SHISA6: variants seen among roughly 807,000 people sequenced by gnomAD.
The protein encoded by SHISA6 is protein shisa-6.
In SHISA6, 22 loss-of-function variants were observed where a neutral mutation model predicts 47.9. The observed-to-expected ratio is 0.46, with a 90% CI of 0.33 to 0.66. SHISA6 has a LOEUF of 0.66. Ranked by LOEUF, SHISA6 falls within the 30% of genes least tolerant of loss-of-function variation. The pLI, the probability that SHISA6 is intolerant of heterozygous loss-of-function variation, is 0.02. For missense variants in SHISA6, 680 were observed against 764.6 expected (o/e 0.89, Z 1.30); for synonymous variants, 388 against 337.8 (o/e 1.15, Z -1.63).
At chr17:11,313,249 A>T (rs1489950682) in intron 2 of SHISA6, among the ~76,000 whole-genome samples, 3 of 130,726 alleles carry the variant, frequency 2.3e-5, no homozygotes, top group Non-Finnish European at 5.0e-5. Context: ...CTATTTTTCC[A>T]ATCTGAGTTT....
chr17:11,414,776 G>A (rs1914230045), intron 3 of SHISA6, among the ~76,000 whole-genome samples: 1 of 152,192 alleles, frequency 6.6e-6, no homozygotes, highest in Non-Finnish European at 1.5e-5. Flanking sequence ...TGAGGCTAAA[G>A]AAGGTTATTA....
At chr17:11,449,447 AAAAAAAAAGAAAAAG>A (rs1915323286) in intron 3 of SHISA6, among the ~76,000 whole-genome samples, 1 of 151,278 alleles carries the variant, frequency 6.6e-6, no homozygotes. Context: ...CATCTCTATT[AAAAAAAAAGAAAAAG>A]AAAAAAAAGA....
At chr17:11,461,786 G>A (rs1041156369) in intron 3 of SHISA6, among the ~76,000 whole-genome samples, 1 of 152,108 alleles carries the variant, frequency 6.6e-6, no homozygotes, top group Non-Finnish European at 1.5e-5. Flanking sequence ...AGAGGAGGTG[G>A]GGAGCTGTGG....
At chr17:11,300,963 C>T (rs1909905429) in intron 2 of SHISA6, among the ~76,000 whole-genome samples, 1 of 150,160 alleles carries the variant, frequency 6.7e-6, no homozygotes, top group Admixed American at 6.7e-5. Flanking sequence ...CATGTTCACA[C>T]AGAAGAGAAA....
intron 2 of SHISA6, among the ~76,000 whole-genome samples, chr17:11,306,870 G>C (rs1353738003): frequency 1.3e-5 from 2 of 152,114 alleles, no homozygotes; most frequent in Non-Finnish European, 2.9e-5. Context: ...TTATTTCCAT[G>C]GTGACTTGTC....
chr17:11,367,000 G>T (rs559448726), intron 2 of SHISA6, among the ~76,000 whole-genome samples: 23 of 152,280 alleles, frequency 1.5e-4, no homozygotes, highest in African/African-American at 5.5e-4. Flanking sequence ...GATTTATGGT[G>T]ATAAGAAGAA....
rs116902878 is a variant in SHISA6, at chr17:11,292,298, T to C, written c.799+28772T>C. Among the ~76,000 whole-genome samples the C allele has an allele frequency of 5.8e-4, 89 of 152,144 alleles. 2 individuals are homozygous for C. The East Asian group carries it at 0.014, about 24-fold the overall frequency. On this transcript the variant is annotated intron_variant, in intron 2 of 5. Transcript: ENST00000441885. ...CCCTCCCTCCCCTTTCCCCCTACTC[T>C]GCAACAGGCCCTGGTGTGTGATGTT...
At chr17:11,434,058 T>C (rs1005138730) in intron 3 of SHISA6, among the ~76,000 whole-genome samples, 3 of 151,386 alleles carry the variant, frequency 2.0e-5, no homozygotes, top group South Asian at 2.1e-4. Flanking sequence ...TTTTTCTTTT[T>C]TCTCTCTTTT....
At chr17:11,416,658 T>A (rs1413244001) in intron 3 of SHISA6, among the ~76,000 whole-genome samples, 1 of 152,220 alleles carries the variant, frequency 6.6e-6, no homozygotes, top group Non-Finnish European at 1.5e-5. Flanking sequence ...ATGCGTTGGC[T>A]TTTAAACACC....
intron 3 of SHISA6, among the ~76,000 whole-genome samples, chr17:11,437,835 C>T (rs1914981839): frequency 6.6e-6 from 1 of 152,158 alleles, no homozygotes; most frequent in South Asian, 2.1e-4. Flanking sequence ...GAGCAACCAA[C>T]ACAGCCTAGG....
Position 11,357,433 on chromosome 17 carries a change from G to A in SHISA6, c.800-21981G>A, listed in dbSNP as rs542876151. 3.3e-5 allele frequency among the ~76,000 whole-genome samples: 5 copies of A among 152,230 alleles called. No homozygotes were observed. The South Asian group carries it at 1.0e-3, about 32-fold the overall frequency. ...CATTAAGGAAACTTTGGAAAACACA[G>A]AAGAGTATAAAATGACTCATATTAC... On this transcript the variant is annotated intron_variant, in intron 2 of 5. Transcript: ENST00000441885.
At chr17:11,533,143 C>T (rs1346127795) in intron 3 of SHISA6, among the ~76,000 whole-genome samples, 1 of 152,126 alleles carries the variant, frequency 6.6e-6, no homozygotes, top group Non-Finnish European at 1.5e-5. Context: ...CATTATCAGC[C>T]CTCTTTGCTT....
intron 2 of SHISA6, among the ~76,000 whole-genome samples, chr17:11,346,595 G>C (rs1911707352): frequency 6.6e-6 from 1 of 152,082 alleles, no homozygotes; most frequent in East Asian, 1.9e-4. Context: ...AGAATCATCT[G>C]GGATCAATCA....
chr17:11,462,909 G>A (rs2142315034), intron 3 of SHISA6, among the ~76,000 whole-genome samples: 1 of 152,282 alleles, frequency 6.6e-6, no homozygotes, highest in Non-Finnish European at 1.5e-5. Context: ...ATTATAGCGT[G>A]TTATCCAGTG....
intron 2 of SHISA6, among the ~76,000 whole-genome samples, chr17:11,337,360 G>C (rs1911359529): frequency 6.6e-6 from 1 of 151,922 alleles, no homozygotes; most frequent in Non-Finnish European, 1.5e-5. Context: ...GTGTGTTATA[G>C]GGCCACCCAT....
chr17:11,404,413 T>TTAGA (rs1299830107), intron 3 of SHISA6, among the ~76,000 whole-genome samples: 33 of 152,100 alleles, frequency 2.2e-4, no homozygotes, highest in Non-Finnish European at 2.9e-5. Context: ...CCAAGACTGT[T>TTAGA]TGTCTAGACA....
chr17:11,477,666 G>C (rs538393357), intron 3 of SHISA6, among the ~76,000 whole-genome samples: 5 of 144,262 alleles, frequency 3.5e-5, no homozygotes, highest in African/African-American at 5.2e-5. Context: ...GAGAATATGC[G>C]GTGTTTGGTT....
At chr17:11,502,079 G>A (rs559781641) in intron 3 of SHISA6, among the ~76,000 whole-genome samples, 2 of 152,262 alleles carry the variant, frequency 1.3e-5, no homozygotes, top group South Asian at 2.1e-4. Context: ...CAGAAATTCA[G>A]TCTAACCACA....
chr17:11,430,114 G>A (rs1312948112), intron 3 of SHISA6, among the ~76,000 whole-genome samples: 2 of 152,190 alleles, frequency 1.3e-5, no homozygotes, highest in Non-Finnish European at 2.9e-5. Context: ...TTTGCTAAGT[G>A]TCACACAGCT....
Sources: gnomAD v4.1 joint callset for allele counts (sites outside exome capture counted in the v4.1 genomes callset) on GRCh38, gnomAD v4.1.1 for gene constraint, MANE v1.5 for transcripts, NCBI Gene and HGNC (gene_info 2026-07-23, HGNC 2026-07-21) for gene names.